Variants in SSH2 observed in about 807,000 individuals in gnomAD.
The protein encoded by SSH2 is protein phosphatase Slingshot homolog 2.
A neutral mutation model predicts 135.2 loss-of-function variants in SSH2; 37 were observed. The observed-to-expected ratio is 0.27, with a 90% confidence interval of 0.21 to 0.36. The LOEUF is 0.36. Among genes scored for constraint, SSH2 ranks in the 10% least tolerant of loss-of-function variants. SSH2 has a pLI of 1.00. For missense variants in SSH2, 1,408 were observed against 1,765.3 expected, an observed-to-expected ratio of 0.80 and a Z score of 3.63; for synonymous variants, 628 against 646.2, an observed-to-expected ratio of 0.97 and a Z score of 0.43.
intron 3 of SSH2, among the ~76,000 whole-genome samples, chr17:29,731,638 T>A (rs949391577): frequency 2.6e-5 from 4 of 151,986 alleles, no homozygotes; most frequent in African/African-American, 9.7e-5. Flanking sequence ...GCATTTTTAG[T>A]AGAGATGGGG....
chr17:29,912,941 GC>G (rs2066791611), intron 1 of SSH2, among the ~76,000 whole-genome samples: 1 of 151,688 alleles, frequency 6.6e-6, no homozygotes, highest in Non-Finnish European at 1.5e-5. Flanking sequence ...AAATCTTATA[GC>G]CACACTTAAA....
At chr17:29,833,597 A>AATATTACTTATC (rs1205918089) in intron 2 of SSH2, among the ~76,000 whole-genome samples, 1 of 152,084 alleles carries the variant, frequency 6.6e-6, no homozygotes, top group Non-Finnish European at 1.5e-5. Context: ...TAATATTGAT[A>AATATTACTTATC]AGTAAGGACT....
chr17:29,871,249 T>G (rs2065932423), intron 1 of SSH2, among the ~76,000 whole-genome samples: 1 of 152,120 alleles, frequency 6.6e-6, no homozygotes, highest in Admixed American at 6.5e-5. Context: ...TGTTTGCAGA[T>G]ACAGAGCAGC....
chr17:29,795,074 C>T (rs1317391990), intron 2 of SSH2, among the ~76,000 whole-genome samples: 1 of 152,198 alleles, frequency 6.6e-6, no homozygotes, highest in Non-Finnish European at 1.5e-5. Flanking sequence ...CAACAAGTCA[C>T]CTGCATTTTC....
intron 5 of SSH2, among the ~76,000 whole-genome samples, chr17:29,689,419 T>C (rs2038370375): frequency 2.0e-5 from 3 of 152,226 alleles, no homozygotes; most frequent in Non-Finnish European, 4.4e-5. Context: ...AGAACCTATA[T>C]TGAAATCAAT....
At chr17:29,826,240 C>T (rs2042742099) in intron 2 of SSH2, among the ~76,000 whole-genome samples, 1 of 152,068 alleles carries the variant, frequency 6.6e-6, no homozygotes, top group African/African-American at 2.4e-5. Context: ...GTCACTGTGA[C>T]AGGGAAAATG....
chr17:29,919,850 C>T (rs2066944161), intron 1 of SSH2, among the ~76,000 whole-genome samples: 1 of 152,074 alleles, frequency 6.6e-6, no homozygotes, highest in African/African-American at 2.4e-5. Flanking sequence ...GACAACACTA[C>T]AGCAGGCATT....
At chr17:29,717,284 T>C (rs2039657236) in intron 3 of SSH2, among the ~76,000 whole-genome samples, 2 of 152,142 alleles carry the variant, frequency 1.3e-5, no homozygotes, top group East Asian at 1.9e-4. Flanking sequence ...TCCAGGTGTA[T>C]GCTACCATGC....
intron 3 of SSH2, among the ~76,000 whole-genome samples, chr17:29,780,963 C>T (rs879893734): frequency 1.3e-5 from 2 of 151,942 alleles, no homozygotes; most frequent in Non-Finnish European, 2.9e-5. Flanking sequence ...AGGCGCCCAC[C>T]ACCATGCCCG....
At chr17:29,888,931 C>CAAAAAAAAAAAAAAAAAA (rs1175371440) in intron 1 of SSH2, among the ~76,000 whole-genome samples, 10 of 42,076 alleles carry the variant, frequency 2.4e-4, no homozygotes, top group Non-Finnish European at 2.7e-4. Flanking sequence ...GACACTATCT[C>CAAAAAAAAAAAAAAAAAA]AAAAAAAAAA....
intron 14 of SSH2, among the ~76,000 whole-genome samples, chr17:29,646,563 G>T (rs370841490): frequency 6.6e-6 from 1 of 152,048 alleles, no homozygotes; most frequent in African/African-American, 2.4e-5. Flanking sequence ...GCAGTGGCGC[G>T]ATCTCAACTC....
intron 14 of SSH2, among the ~76,000 whole-genome samples, chr17:29,638,098 A>C (rs2035989879): frequency 6.6e-6 from 1 of 152,168 alleles, no homozygotes; most frequent in Admixed American, 6.5e-5. Context: ...TGGGTGACAC[A>C]GCGAGACTCC....
intron 6 of SSH2, among the ~76,000 whole-genome samples, chr17:29,684,286 G>T (rs1227603118): frequency 6.6e-6 from 1 of 152,028 alleles, no homozygotes; most frequent in Non-Finnish European, 1.5e-5. Flanking sequence ...GTTTGAAACT[G>T]GCCAATATGG....
chr17:29,647,310 C>T (rs1406960065), intron 14 of SSH2, among the ~76,000 whole-genome samples: 1 of 150,346 alleles, frequency 6.7e-6, no homozygotes, highest in Non-Finnish European at 1.5e-5. Flanking sequence ...CGAGACTGTG[C>T]CACTGCACTC....
intron 2 of SSH2, among the ~76,000 whole-genome samples, chr17:29,804,661 A>G (rs994299313): frequency 6.6e-6 from 1 of 152,098 alleles, no homozygotes; most frequent in Admixed American, 6.6e-5. Flanking sequence ...TTAGAAAGCA[A>G]CAAGTCTTTG....
intron 1 of SSH2, among the ~76,000 whole-genome samples, chr17:29,884,265 T>C (rs999769895): frequency 6.6e-6 from 1 of 152,238 alleles, no homozygotes. Context: ...ATCGAATTTC[T>C]CAGTTGCATT....
intron 3 of SSH2, among the ~76,000 whole-genome samples, chr17:29,734,669 A>G (rs1012863228): frequency 6.6e-6 from 1 of 152,238 alleles, no homozygotes; most frequent in African/African-American, 2.4e-5. Flanking sequence ...GAATAGTTCA[A>G]GCACTAGCAA....
chr17:29,639,331 A>G (rs1009720558), intron 14 of SSH2, among the ~76,000 whole-genome samples: 1 of 152,112 alleles, frequency 6.6e-6, no homozygotes, highest in Non-Finnish European at 1.5e-5. Context: ...GTCACTAAGT[A>G]TGGTCCTTGG....
chr17:29,757,071 A>C (rs2041153077), intron 3 of SSH2, among the ~76,000 whole-genome samples: 2 of 152,182 alleles, frequency 1.3e-5, no homozygotes, highest in Non-Finnish European at 2.9e-5. Context: ...AAGTGTACTC[A>C]TGTATCAAGG....
Sources: allele counts gnomAD v4.1 joint callset (sites outside exome capture counted in the v4.1 genomes callset), GRCh38; gene constraint gnomAD v4.1.1; transcripts MANE v1.5; gene names NCBI Gene and HGNC (gene_info 2026-07-23, HGNC 2026-07-21).